Variants in MDN1 observed in about 807,000 individuals in gnomAD.
The protein encoded by MDN1 is midasin AAA ATPase 1, also known as midasin.
MDN1 carries 266 observed loss-of-function variants against 669.2 expected under a neutral mutation model. The observed-to-expected ratio is 0.40, with a 90% CI of 0.36 to 0.44. The LOEUF (loss-of-function observed/expected upper bound fraction) is 0.44, where lower values mean the gene tolerates loss of function less well. MDN1 is among the 20% of genes least tolerant of loss of function. MDN1 has a pLI of 1.00. For missense variants in MDN1, 5,940 were observed against 6,754.0 expected, an observed-to-expected ratio of 0.88 and a Z score of 4.22; for synonymous variants, 2,385 against 2,457.1, an observed-to-expected ratio of 0.97 and a Z score of 0.87.
In MDN1 at chr6:89,761,656, C is replaced by A. The variant is rs753747223; in HGVS notation, c.2449G>T (p.Ala817Ser). ...MKMTENTLLF[A>S]FVEGTLAQAV... ...AAAAACAGAAATACCTCTACAAATG[C>A]GAACAATAAGGTATTTTCAGTCATT... Residue 817 changes from alanine (A) to serine (S), a missense_variant, in exon 17 of 102, where the codon GCA becomes TCA. Transcript: ENST00000369393. 1.6e-5 allele frequency: 25 copies of A among 1,606,274 alleles called. No homozygotes were observed. The highest frequency in any genetic ancestry group is 1.1e-4 in the East Asian group (5 of 44,654).
In MDN1 at chr6:89,654,215, C is replaced by G. The variant is rs1041092380; in HGVS notation, c.15610G>C (p.Val5204Leu). 6.2e-7 allele frequency: 1 copy of G among 1,614,122 alleles called. No individual in the cohort carries two copies. The highest frequency in any genetic ancestry group is 8.5e-7 in the Non-Finnish European group (1 of 1,180,048). ...EEQEEFKAAD[V>L]EQLKPEEIKS... Reference sequence around the variant, plus strand: ...ATTTCCTCTGGCTTCAGCTGCTCCACGTCTGCTGCTTTGAACTCCTCCTGC... The same window carrying G: ...ATTTCCTCTGGCTTCAGCTGCTCCAGGTCTGCTGCTTTGAACTCCTCCTGC... The change falls in exon 93 of 102, where the codon GTG becomes CTG. Residue 5204 changes from valine (V) to leucine (L), a missense_variant. Around this residue, in one of 5 missense-constraint regions of MDN1, gnomAD observed 2,280 missense variants for 2,576.3 expected, o/e 0.88. Transcript: ENST00000369393.
rs1321255272 is a variant in MDN1, at chr6:89,716,662, A to C, written c.6731T>G (p.Val2244Gly). ...KSGDWLLMDNVNFCNPSVLDR... is the reference protein window; with the variant it reads ...KSGDWLLMDNGNFCNPSVLDR... Reference sequence around the variant, plus strand: ...ATAAGGTTCTTACTTGCAGAAGTTAACATTGTCCATCAGAAGCCAGTCTCC... The same window carrying C: ...ATAAGGTTCTTACTTGCAGAAGTTACCATTGTCCATCAGAAGCCAGTCTCC... The change falls in exon 44 of 102, where the codon GTT becomes GGT. Residue 2244 changes from valine (V) to glycine (G), a missense_variant. By Grantham distance (109) the Val-to-Gly change is moderately radical (BLOSUM62 -3). Coordinates refer to ENST00000369393, the MANE Select transcript of MDN1 (RefSeq NM_014611.3). 1.2e-6 allele frequency: 2 copies of C among 1,611,654 alleles called. No homozygotes were observed. Among genetic ancestry groups the C allele is most frequent in the Non-Finnish European group, 1.7e-6 (2 of 1,179,318 alleles).
rs1456455975 is a variant in MDN1 at position 89,718,872 on chromosome 6, C to T, written c.6216G>A (p.Lys2072=). 6.8e-6 allele frequency: 11 copies of T among 1,614,142 alleles called. No homozygotes were observed. In the South Asian group the frequency reaches 1.2e-4, roughly 18 times the overall value. The part of the protein sequence containing the change: ...VILVGPASVG[K]TSLVQLLAHL... ...GTGCCAGAAGCTGGACCAGGCTGGTCTTGCCCACAGAGGCTGGCCCGACCA... is the reference window on the plus strand; with the variant it reads ...GTGCCAGAAGCTGGACCAGGCTGGTTTTGCCCACAGAGGCTGGCCCGACCA... Residue 2072 remains lysine, a synonymous_variant, in exon 42 of 102, where the codon AAG becomes AAA. Transcript: ENST00000369393.
chr6:89,727,814 T>C lies in MDN1; in HGVS notation c.5472+19A>G. 6.2e-7 allele frequency: 1 copy of C among 1,609,110 alleles called. No individual in the cohort carries two copies. The highest frequency in any genetic ancestry group is 8.5e-7 in the Non-Finnish European group (1 of 1,177,134). On this transcript the variant is annotated intron_variant, in intron 37 of 101. Coordinates refer to ENST00000369393, the MANE Select transcript of MDN1 (RefSeq NM_014611.3). ...ACACACATGATCACCGTCTTGGGCA[T>C]GACAAACAGGCCCCTCACCTCATCC... is the stretch of plus-strand genomic sequence containing the variant.
chr6:89,770,033 G>C (rs1023886577), intron 15 of MDN1, among the ~76,000 whole-genome samples: 1 of 152,102 alleles, frequency 6.6e-6, no homozygotes, highest in Non-Finnish European at 1.5e-5. Flanking sequence ...AGGAGTTCAA[G>C]GCTGTGCTAA....
chr6:89,688,536 A>G, intron 66 of MDN1, 37 bp downstream of exon 66: 1 of 1,579,024 alleles, frequency 6.3e-7, no homozygotes, highest in Non-Finnish European at 8.7e-7. Flanking sequence ...TTGCAGACTC[A>G]GTACTGTGAG....
rs1463785518 is a variant in MDN1, at chr6:89,688,118, T to G, written c.11315A>C (p.Lys3772Thr). The change falls in exon 67 of 102, where the codon AAG becomes ACG. Residue 3772 changes from lysine (K) to threonine (T), a missense_variant. By Grantham distance (78) the Lys-to-Thr change is moderately conservative. Transcript: ENST00000369393. ...AAGGATCTCTAAGCCATTCAGGAAC[T>G]TTGAGATGGGACTGGAAAGTGGGAA... ...RSFPLSSPIS[K>T]FLNGLEILLA... 1 of 1,614,124 alleles carries G rather than the reference T, an allele frequency of 6.2e-7. No homozygotes were observed. The highest frequency in any genetic ancestry group is 2.2e-5 in the East Asian group (1 of 44,882).
chr6:89,664,536 C>T lies in MDN1; in HGVS notation c.14187G>A (p.Met4729Ile), dbSNP rs776538067. The change falls in exon 85 of 102, where the codon ATG becomes ATA. Residue 4729 changes from methionine to isoleucine, a missense_variant. Met to Ile is a conservative substitution (Grantham distance 10). Around this residue, in one of 5 missense-constraint regions of MDN1, gnomAD observed 2,280 missense variants for 2,576.3 expected, o/e 0.88. Transcript: ENST00000369393. The stretch of plus-strand genomic sequence containing the variant: ...GCATTTTCCCATCAAAATCTTCCGA[C>T]ATCTCAATGGCATTATCCTCGCCCT... ...DIKGEDNAIEMSEDFDGKMHD... is the reference protein window; with the variant it reads ...DIKGEDNAIEISEDFDGKMHD... 2 of 1,613,974 alleles carry T rather than the reference C, an allele frequency of 1.2e-6. No individual in the cohort carries two copies. The highest frequency in any genetic ancestry group is 3.3e-5 in the Admixed American group (2 of 60,006).
In MDN1 at chr6:89,785,057, C is replaced by G. The variant is rs905061166; in HGVS notation, c.1404G>C (p.Trp468Cys). 2 of 1,613,900 alleles carry G rather than the reference C, an allele frequency of 1.2e-6. No individual in the cohort carries two copies. The highest frequency in any genetic ancestry group is 2.7e-5 in the African/African-American group (2 of 74,902). ...NSHATLLDKY[W>C]TKIHLDNLDK... is the part of the protein sequence containing the mutation. ...CCAGGTTATCCAGGTGAATTTTGGTCCAATATTTGTCTAGCAAAGTAGCAT... is the reference window on the plus strand; with the variant it reads ...CCAGGTTATCCAGGTGAATTTTGGTGCAATATTTGTCTAGCAAAGTAGCAT... Residue 468 changes from tryptophan (W) to cysteine (C), a missense_variant, in exon 9 of 102, where the codon TGG becomes TGC. By Grantham distance (215) the Trp-to-Cys change is radical. This residue lies in a region of MDN1 where 1,203 missense variants were observed against 1,268.9 expected (regional missense o/e 0.95). Coordinates refer to ENST00000369393, the MANE Select transcript of MDN1 (RefSeq NM_014611.3).
At chr6:89,780,157 G>A (rs1252266476) in intron 11 of MDN1, 55 bp downstream of exon 11, 7 of 954,166 alleles carry the variant, frequency 7.3e-6, no homozygotes, top group Non-Finnish European at 1.1e-5. Context: ...AATAACAACG[G>A]AAGTCAACAG....
In MDN1 at chr6:89,696,462, G is replaced by C; in HGVS notation, c.9281C>G (p.Ser3094Cys). The C allele has an allele frequency of 1.2e-6, 2 of 1,614,232 alleles. No individual in the cohort carries two copies. Among genetic ancestry groups the C allele is most frequent in the East Asian group, 2.2e-5 (1 of 44,882 alleles). ...AACCCACTCTCCTAGGGTCACGTGA[G>C]AGGAGGAAAGAATGGGGAGGCCACT... ...DVSGLPILSS[S>C]HVTLGEWVER... Residue 3094 changes from serine (S) to cysteine (C), a missense_variant, in exon 60 of 102, where the codon TCT becomes TGT. Ser to Cys is a moderately radical substitution (Grantham distance 112). Coordinates refer to ENST00000369393, the MANE Select transcript of MDN1 (RefSeq NM_014611.3).
intron 2 of MDN1, among the ~76,000 whole-genome samples, chr6:89,795,600 A>G (rs867930284): frequency 4.6e-5 from 7 of 152,182 alleles, no homozygotes; most frequent in Non-Finnish European, 1.0e-4. Flanking sequence ...AAATAAGTAA[A>G]TGAACTGCAA....
chr6:89,700,600 TATTTTCAGAGC>T, intron 56 of MDN1, 35 bp downstream of exon 56: 1 of 1,577,056 alleles, frequency 6.3e-7, no homozygotes, highest in Non-Finnish European at 8.7e-7. Context: ...AGCAAGAGGA[TATTTTCAGAGC>T]ATCTGTCAGC....
Position 89,666,480 on chromosome 6 carries a change from GGTTTTGTTTTTTGTTTT to G in MDN1, c.14094+1517_14094+1533del, listed in dbSNP as rs946062575. 4.6e-5 allele frequency among the ~76,000 whole-genome samples: 7 copies of G among 151,602 alleles called. No individual in the cohort carries two copies. In the East Asian group the frequency reaches 7.8e-4, roughly 17 times the overall value. ...GAGTTTTACCATGTTGGCCAGGCTG[GGTTTTGTTTTTTGTTTT>G]GTTTTGTTTTAATTTTATAGAGACA... On this transcript the variant is annotated intron_variant, in intron 84 of 101. Transcript: ENST00000369393.
At chr6:89,684,830 C>T (rs764300554) in intron 71 of MDN1, 46 bp downstream of exon 71, 7 of 1,241,720 alleles carry the variant, frequency 5.6e-6, no homozygotes, top group Non-Finnish European at 8.2e-6. Context: ...AGAGAATTTG[C>T]TGATTTTGTC....
intron 29 of MDN1, 34 bp from the exon 30 acceptor site, chr6:89,743,748 G>A: frequency 1.3e-6 from 2 of 1,594,622 alleles, no homozygotes; most frequent in Non-Finnish European, 1.7e-6. Flanking sequence ...AACAAGGCAT[G>A]TGTTTCAAAT....
Position 89,749,644 on chromosome 6 carries a change from G to A in MDN1, c.3514C>T (p.Arg1172Cys), listed in dbSNP as rs373257763. 16 of 1,613,970 alleles carry A rather than the reference G, an allele frequency of 9.9e-6. No individual in the cohort carries two copies. Among genetic ancestry groups the A allele is most frequent in the Middle Eastern group, 1.6e-4 (1 of 6,084 alleles). ...TGTGTTTCTGTTACTAGCAATTCAC[G>A]GTTATCATCCAACAGCCTATTCAGC... ...EALNRLLDDN[R>C]ELLVTETQEV... Residue 1172 changes from arginine (R) to cysteine (C), a missense_variant, in exon 25 of 102, where the codon CGT becomes TGT. This residue lies in a region of MDN1 where 2,292 missense variants were observed against 2,638.3 expected (regional missense o/e 0.87). Coordinates refer to ENST00000369393, the MANE Select transcript of MDN1 (RefSeq NM_014611.3).
At chr6:89,763,639 A>T (rs897938111) in intron 15 of MDN1, among the ~76,000 whole-genome samples, 1 of 152,198 alleles carries the variant, frequency 6.6e-6, no homozygotes, top group Non-Finnish European at 1.5e-5. Context: ...GAATGAGATA[A>T]ATCTTATTTT....
rs1279027067 is a variant in MDN1 at position 89,819,580 on chromosome 6, C to T, written c.28G>A (p.Ala10Thr). 1 of 1,602,670 alleles carries T rather than the reference C, an allele frequency of 6.2e-7. No homozygotes were observed. The highest frequency in any genetic ancestry group is 8.5e-7 in the Non-Finnish European group (1 of 1,179,962). ...GCTGCGATTAACCGCAGCGGCGCGG[C>T]TGCCACCTCCAGCAAGAAGTGCTCC... The part of the protein sequence containing the change: MEHFLLEVA[A>T]APLRLIAAKN... Residue 10 changes from alanine to threonine, a missense_variant, in exon 1 of 102, where the codon GCC becomes ACC. By Grantham distance (58) the Ala-to-Thr change is moderately conservative. Transcript: ENST00000369393.
Sources: gnomAD v4.1 joint callset for allele counts (sites outside exome capture counted in the v4.1 genomes callset) on GRCh38, gnomAD v4.1.1 for gene constraint, gnomAD v4.1.1 regional missense constraint, MANE v1.5 for transcripts, NCBI Gene and HGNC (gene_info 2026-07-23, HGNC 2026-07-21) for gene names.